Variants in APBA1 observed in about 807,000 individuals in gnomAD.
The protein encoded by APBA1 is amyloid-beta A4 precursor protein-binding family A member 1.
Under a neutral mutation model 86.6 loss-of-function variants are expected in APBA1, and 55 were observed. The observed-to-expected ratio is 0.64, with a 90% CI of 0.51 to 0.80. The LOEUF (loss-of-function observed/expected upper bound fraction) is 0.80, where lower values mean the gene tolerates loss of function less well. Among genes scored for constraint, APBA1 ranks in the 30% least tolerant of loss-of-function variants. The probability of loss-of-function intolerance (pLI) is 0.00; values close to 1 mark genes in which losing one functional copy is unlikely to be tolerated. For missense variants in APBA1, 1,090 were observed against 1,183.0 expected (o/e 0.92, Z 1.15); for synonymous variants, 511 against 493.9 (o/e 1.03, Z -0.46).
At chr9:69,467,360 G>C (rs1017011959) in intron 5 of APBA1, among the ~76,000 whole-genome samples, 2 of 152,164 alleles carry the variant, frequency 1.3e-5, no homozygotes, top group African/African-American at 4.8e-5. Context: ...TTGATCAAAG[G>C]GTTCATTTTC....
intron 3 of APBA1, among the ~76,000 whole-genome samples, chr9:69,473,355 T>C (rs975857253): frequency 1.3e-5 from 2 of 152,232 alleles, no homozygotes; most frequent in African/African-American, 4.8e-5. Flanking sequence ...AGCATCTTCA[T>C]AGGGGCCTAA....
intron 2 of APBA1, among the ~76,000 whole-genome samples, chr9:69,502,517 TA>T (rs1196821013): frequency 6.6e-6 from 1 of 152,024 alleles, no homozygotes; most frequent in Non-Finnish European, 1.5e-5. Context: ...ATTAAATCTT[TA>T]AAAAAATTAC....
intron 1 of APBA1, among the ~76,000 whole-genome samples, chr9:69,606,221 G>A (rs1453718170): frequency 5.3e-5 from 8 of 152,164 alleles, no homozygotes; most frequent in South Asian, 4.1e-4. Context: ...TTTTGATAAC[G>A]AAACCCAACT....
At chr9:69,446,239 T>G (rs1427674315) in intron 10 of APBA1, among the ~76,000 whole-genome samples, 1 of 152,118 alleles carries the variant, frequency 6.6e-6, no homozygotes, top group African/African-American at 2.4e-5. Flanking sequence ...CTGGCTGTTA[T>G]CAGTGGTTAC....
At chr9:69,439,414 C>G (rs1198074662) in intron 11 of APBA1, among the ~76,000 whole-genome samples, 4 of 152,048 alleles carry the variant, frequency 2.6e-5, no homozygotes, top group Non-Finnish European at 5.9e-5. Flanking sequence ...TTCAGGTACA[C>G]CAATCAGACG....
intron 2 of APBA1, among the ~76,000 whole-genome samples, chr9:69,500,986 C>T (rs149946531): frequency 1.8e-3 from 281 of 152,190 alleles, no homozygotes; most frequent in South Asian, 3.5e-3. Flanking sequence ...CTATTCCTTC[C>T]GGGTAAACTG....
At chr9:69,561,880 G>A (rs1836951198) in intron 1 of APBA1, among the ~76,000 whole-genome samples, 1 of 152,090 alleles carries the variant, frequency 6.6e-6, no homozygotes, top group Non-Finnish European at 1.5e-5. Context: ...GCCCATCTCG[G>A]TTTCCCAAAG....
intron 1 of APBA1, among the ~76,000 whole-genome samples, chr9:69,662,025 C>T (rs1224964929): frequency 6.0e-5 from 2 of 33,382 alleles, no homozygotes; most frequent in African/African-American, 1.7e-4. Context: ...AACAGTAACA[C>T]ACACACACAC....
chr9:69,617,770 T>C (rs1056543677), intron 1 of APBA1, among the ~76,000 whole-genome samples: 1 of 152,186 alleles, frequency 6.6e-6, no homozygotes, highest in Non-Finnish European at 1.5e-5. Context: ...ATATATAATA[T>C]GAAATTTACC....
chr9:69,570,512 C>A (rs944781510), intron 1 of APBA1, among the ~76,000 whole-genome samples: 4 of 152,148 alleles, frequency 2.6e-5, no homozygotes, highest in Admixed American at 2.6e-4. Context: ...CTTTAAGCAT[C>A]TCTTTTTCTG....
intron 2 of APBA1, among the ~76,000 whole-genome samples, chr9:69,505,155 G>A (rs540667066): frequency 1.3e-5 from 2 of 152,194 alleles, no homozygotes; most frequent in South Asian, 2.1e-4. Flanking sequence ...AATGATAAAG[G>A]TTGATTCCTC....
intron 1 of APBA1, among the ~76,000 whole-genome samples, chr9:69,612,990 T>C (rs1360039043): frequency 6.6e-6 from 1 of 152,116 alleles, no homozygotes; most frequent in African/African-American, 2.4e-5. Flanking sequence ...AAATGACTGG[T>C]TATTTAAGAA....
intron 1 of APBA1, among the ~76,000 whole-genome samples, chr9:69,671,329 C>A (rs1823944572): frequency 1.3e-5 from 2 of 152,088 alleles, no homozygotes; most frequent in African/African-American, 2.4e-5. Context: ...CCTTCAAAAC[C>A]AGGTACATTA....
At chr9:69,473,270 C>T (rs1414972751) in intron 3 of APBA1, among the ~76,000 whole-genome samples, 3 of 152,134 alleles carry the variant, frequency 2.0e-5, no homozygotes, top group Non-Finnish European at 4.4e-5. Context: ...AGCCAACAGC[C>T]AAATCTGTCT....
At chr9:69,620,813 A>T (rs957465180) in intron 1 of APBA1, among the ~76,000 whole-genome samples, 9 of 152,150 alleles carry the variant, frequency 5.9e-5, no homozygotes, top group African/African-American at 1.9e-4. Context: ...CTGCATGGAG[A>T]TGCCATGGAG....
chr9:69,558,429 T>C (rs944478438), intron 1 of APBA1, among the ~76,000 whole-genome samples: 2 of 151,956 alleles, frequency 1.3e-5, no homozygotes, highest in African/African-American at 4.8e-5. Flanking sequence ...CTGATTACTG[T>C]TAGGTTCAAT....
chr9:69,649,723 C>A (rs1184806418), intron 1 of APBA1, among the ~76,000 whole-genome samples: 1 of 152,116 alleles, frequency 6.6e-6, no homozygotes. Context: ...GAGTAAGGCC[C>A]AACTCGGACA....
At chr9:69,665,473 C>T (rs146968819) in intron 1 of APBA1, among the ~76,000 whole-genome samples, 97 of 152,304 alleles carry the variant, frequency 6.4e-4, no homozygotes, top group Middle Eastern at 3.4e-3. Context: ...TCAAGGTAAA[C>T]GAGCTTTACC....
chr9:69,552,591 C>A (rs1836803662), intron 1 of APBA1, among the ~76,000 whole-genome samples: 1 of 152,186 alleles, frequency 6.6e-6, no homozygotes, highest in South Asian at 2.1e-4. Flanking sequence ...AATGACACTT[C>A]TAAATTCAAC....
Sources: allele counts gnomAD v4.1 joint callset (sites outside exome capture counted in the v4.1 genomes callset), GRCh38; gene constraint gnomAD v4.1.1; transcripts MANE v1.5; gene names NCBI Gene and HGNC (gene_info 2026-07-23, HGNC 2026-07-21).